Variants in PFKFB3 observed in about 807,000 individuals in gnomAD.
PFKFB3 encodes the protein 6-phosphofructo-2-kinase/fructose-2,6-bisphosphatase 3.
Under a neutral mutation model 68.0 loss-of-function variants are expected in PFKFB3, and 33 were observed. The observed-to-expected ratio is 0.49, with a 90% CI of 0.37 to 0.65. PFKFB3 has a LOEUF of 0.65. Among genes scored for constraint, PFKFB3 ranks in the 30% least tolerant of loss-of-function variants. The probability of loss-of-function intolerance (pLI) is 0.00; values close to 1 mark genes in which losing one functional copy is unlikely to be tolerated. For missense variants in PFKFB3, 586 were observed against 712.2 expected (o/e 0.82, Z 2.02); for synonymous variants, 315 against 288.2 (o/e 1.09, Z -0.94).
In PFKFB3 at chr10:6,229,073, G is replaced by C. The variant is rs41291281; in HGVS notation, c.1515+2708G>C. On this transcript the variant is annotated intron_variant, in intron 14 of 14. Coordinates refer to ENST00000379775, the MANE Select transcript of PFKFB3 (RefSeq NM_004566.4). This position sits in a 1 kb window ranked among gnomAD's most constrained non-coding sequence, Gnocchi z 4.3. Reference sequence around the variant, plus strand: ...AAACACACCCGCCCCTTTATTTCCTGTTTGCTCCTTAAGTTACCTTAACTA... The same window carrying C: ...AAACACACCCGCCCCTTTATTTCCTCTTTGCTCCTTAAGTTACCTTAACTA... 0.079 allele frequency: 41,456 copies of C among 523,226 alleles called. 2,433 individuals are homozygous for C. The highest frequency in any genetic ancestry group is 0.22 in the African/African-American group (11,448 of 51,662). The allele number at this position is 523,226 out of a possible 1,614,324, so 32.4% of individuals were successfully genotyped here.
chr10:6,191,403 C>G (rs1475777755), intron 1 of PFKFB3, among the ~76,000 whole-genome samples: 2 of 152,230 alleles, frequency 1.3e-5, no homozygotes, highest in East Asian at 3.8e-4. Context: ...GACTACCCAA[C>G]TTGGTCAAAT....
At chr10:6,320,783 C>T in the PFKFB3 span, among the ~76,000 whole-genome samples, 1 of 152,130 alleles carries the variant, frequency 6.6e-6, no homozygotes, top group Non-Finnish European at 1.5e-5. Context: ...TGACTTTAAC[C>T]TAAAACTGGC....
the PFKFB3 span, among the ~76,000 whole-genome samples, chr10:6,262,362 G>A: frequency 8.7e-5 from 6 of 69,258 alleles, no homozygotes; most frequent in Admixed American, 3.9e-4. Flanking sequence ...GCTGAGGCAG[G>A]AGAATGGCGT....
intron 1 of PFKFB3, among the ~76,000 whole-genome samples, chr10:6,166,598 T>C (rs1842146905): frequency 6.6e-6 from 1 of 152,152 alleles, no homozygotes; most frequent in Non-Finnish European, 1.5e-5. Flanking sequence ...AGATTGTCGC[T>C]GGTCAGAGGA....
upstream of PFKFB3, among the ~76,000 whole-genome samples, chr10:6,202,263 C>T (rs1334697168): frequency 6.6e-6 from 1 of 152,218 alleles, no homozygotes. Context: ...AGTCTTTGGG[C>T]TAGGGGAGGG....
At chr10:6,320,723 C>T in the PFKFB3 span, among the ~76,000 whole-genome samples, 1 of 152,170 alleles carries the variant, frequency 6.6e-6, no homozygotes, top group African/African-American at 2.4e-5. Context: ...CCACGCCTGG[C>T]CAGAAGCAGC....
the PFKFB3 span, among the ~76,000 whole-genome samples, chr10:6,279,844 G>A: frequency 2.0e-5 from 3 of 152,162 alleles, no homozygotes; most frequent in African/African-American, 4.8e-5. Flanking sequence ...GAAGGTGCTG[G>A]GCTACTCTCT....
At chr10:6,231,481 C>A (rs146795717) in intron 14 of PFKFB3, 5 of 985,214 alleles carry the variant, frequency 5.1e-6, no homozygotes, top group Non-Finnish European at 6.0e-6. Context: ...TCACCCCCCA[C>A]GTGTCCTGAG....
the PFKFB3 span, among the ~76,000 whole-genome samples, chr10:6,286,859 T>C: frequency 6.6e-6 from 1 of 152,236 alleles, no homozygotes; most frequent in Non-Finnish European, 1.5e-5. Flanking sequence ...CTTATATGAT[T>C]TAATTATCTT....
At chr10:6,197,178 T>C (rs995374603) in intron 1 of PFKFB3, among the ~76,000 whole-genome samples, 1 of 152,118 alleles carries the variant, frequency 6.6e-6, no homozygotes, top group African/African-American at 2.4e-5. Flanking sequence ...AGTTTTACCA[T>C]GTTGGTCAGG....
chr10:6,228,565 G>A lies in PFKFB3; in HGVS notation c.1515+2200G>A, dbSNP rs1369903578. On this transcript the variant is annotated intron_variant, in intron 14 of 14. Transcript: ENST00000379775. This position sits in a 1 kb window ranked among gnomAD's most constrained non-coding sequence, Gnocchi z 4.5. ...ATTTCCTTATCAGAATCAGATCTTG[G>A]TGGCGAGCTGCATCTGTGCCAGGTG... Among the ~76,000 whole-genome samples the A allele has an allele frequency of 2.6e-5, 4 of 152,106 alleles. No homozygotes were observed. Among genetic ancestry groups the A allele is most frequent in the Admixed American group, 1.3e-4 (2 of 15,274 alleles).
At chr10:6,179,588 C>T (rs1230587168) in intron 1 of PFKFB3, among the ~76,000 whole-genome samples, 3 of 151,952 alleles carry the variant, frequency 2.0e-5, no homozygotes, top group Non-Finnish European at 4.4e-5. Flanking sequence ...CCATGGGGGT[C>T]GTCGAAGGAC....
At chr10:6,177,396 C>CTTTCTT (rs1259306954) in intron 1 of PFKFB3, among the ~76,000 whole-genome samples, 1 of 140,256 alleles carries the variant, frequency 7.1e-6, no homozygotes, top group Admixed American at 7.6e-5. Flanking sequence ...TTCTTTCTTT[C>CTTTCTT]TTTCTTTCTT....
chr10:6,225,085 C>A (rs1337241004), intron 13 of PFKFB3: 4 of 455,756 alleles, frequency 8.8e-6, no homozygotes, highest in Non-Finnish European at 1.8e-5. Context: ...GGCCAGGCTG[C>A]CTCTGACTGA....
At chr10:6,266,365 T>G in the PFKFB3 span, among the ~76,000 whole-genome samples, 1 of 152,194 alleles carries the variant, frequency 6.6e-6, no homozygotes. Context: ...CCTCTTCTGC[T>G]TTGAGGACGT....
At chr10:6,322,034 T>G in the PFKFB3 span, among the ~76,000 whole-genome samples, 316 of 152,342 alleles carry the variant, frequency 2.1e-3, 1 homozygote, top group African/African-American at 7.3e-3. Context: ...ATGTCTCTCT[T>G]TAATCCAGCG....
intron 14 of PFKFB3, among the ~76,000 whole-genome samples, chr10:6,244,564 G>C (rs994886157): frequency 1.3e-5 from 2 of 152,166 alleles, no homozygotes; most frequent in African/African-American, 2.4e-5. Flanking sequence ...CCTTAGCCCA[G>C]TTGAGAATCT....
rs936974772 is a variant in PFKFB3 at position 6,229,986 on chromosome 10, G to A, written c.1516-2909G>A. Among the ~76,000 whole-genome samples the A allele has an allele frequency of 2.0e-5, 3 of 152,122 alleles. No individual in the cohort carries two copies. The highest frequency in any genetic ancestry group is 7.2e-5 in the African/African-American group (3 of 41,428). ...CCCGCCTCTCAGTGGGCTATGGACT[G>A]GGTACTGGTCCACAGCCCAGGGGTT... On this transcript the variant is annotated intron_variant, in intron 14 of 14. Coordinates refer to ENST00000379775, the MANE Select transcript of PFKFB3 (RefSeq NM_004566.4). The surrounding 1 kb of genome is among the most constrained non-coding windows in gnomAD (Gnocchi z 4.3).
rs1264013224 is a variant in PFKFB3 at position 6,221,534 on chromosome 10, C to T, written c.978+7C>T. 1 of 1,612,926 alleles carries T rather than the reference C, an allele frequency of 6.2e-7. No homozygotes were observed. Among genetic ancestry groups the T allele is most frequent in the East Asian group, 2.2e-5 (1 of 44,880 alleles). Reference sequence around the variant, plus strand: ...GCTCAATGAGATCGACGCGGTGAGTCCTGGGAGGCGGGCAGGCAGCCTCAC... The same window carrying T: ...GCTCAATGAGATCGACGCGGTGAGTTCTGGGAGGCGGGCAGGCAGCCTCAC... On this transcript the variant is annotated splice_region_variant and intron_variant, in intron 9 of 14. Transcript: ENST00000379775.
Sources: allele counts gnomAD v4.1 joint callset (sites outside exome capture counted in the v4.1 genomes callset), GRCh38; gene constraint gnomAD v4.1.1; non-coding constraint Gnocchi (gnomAD v3.1); transcripts MANE v1.5; gene names NCBI Gene and HGNC (gene_info 2026-07-23, HGNC 2026-07-21).